Variants in DOCK4 observed in about 807,000 individuals in gnomAD.
DOCK4 encodes dedicator of cytokinesis 4.
A neutral mutation model predicts 268.1 loss-of-function variants in DOCK4; 97 were observed. That is an observed-to-expected ratio of 0.36 (90% confidence interval 0.31 to 0.43). The LOEUF is 0.43. Among genes scored for constraint, DOCK4 ranks in the 20% least tolerant of loss-of-function variants. The pLI, the probability that DOCK4 is intolerant of heterozygous loss-of-function variation, is 1.00. For missense variants in DOCK4, 2,145 were observed against 2,455.7 expected (o/e 0.87, Z 2.67); for synonymous variants, 954 against 887.2 (o/e 1.08, Z -1.34).
chr7:112,003,512 G>A (rs556415218), intron 2 of DOCK4, among the ~76,000 whole-genome samples: 2 of 152,354 alleles, frequency 1.3e-5, no homozygotes, highest in South Asian at 4.1e-4. Flanking sequence ...TCTTAAATGA[G>A]TTGCCTACTA....
intron 10 of DOCK4, among the ~76,000 whole-genome samples, chr7:111,941,156 C>A (rs752142149): frequency 1.3e-5 from 2 of 152,110 alleles, no homozygotes; most frequent in African/African-American, 4.8e-5. Context: ...AAACACAGCC[C>A]GAAAACCTCT....
rs1794648274 is a variant in DOCK4 at position 111,726,214 on chromosome 7, T to A, written c.*2060A>T. On this transcript the variant is annotated 3_prime_UTR_variant, in exon 53 of 53. Transcript: ENST00000428084. ...TTAAAATGTTCTGCTATGTAGCTGC[T>A]TCAGAAATACACACACATGATAAAT... 1 of 152,646 alleles carries A rather than the reference T, an allele frequency of 6.6e-6. No homozygotes were observed. The highest frequency in any genetic ancestry group is 2.4e-5 in the African/African-American group (1 of 41,466). 9.5% of individuals were successfully genotyped at this position (152,646 alleles called of 1,614,324 possible).
chr7:112,168,972 GA>G, intron 1 of DOCK4, among the ~76,000 whole-genome samples: 1 of 152,292 alleles, frequency 6.6e-6, no homozygotes, highest in South Asian at 2.1e-4. Context: ...ATCACTATTT[GA>G]TATGGTTTGA....
chr7:112,156,714 ATACT>A (rs1469589083), intron 1 of DOCK4, among the ~76,000 whole-genome samples: 29 of 152,214 alleles, frequency 1.9e-4, no homozygotes, highest in African/African-American at 2.7e-4. Context: ...AATTACTGAC[ATACT>A]TAATTATATA....
intron 13 of DOCK4, among the ~76,000 whole-genome samples, chr7:111,907,086 C>T (rs1791641782): frequency 6.6e-6 from 1 of 152,120 alleles, no homozygotes; most frequent in Non-Finnish European, 1.5e-5. Context: ...TAACTGGAGA[C>T]TGAAACAGAG....
Position 111,853,250 on chromosome 7 carries a change from G to A in DOCK4, c.2474-6124C>T, listed in dbSNP as rs118127904. On this transcript the variant is annotated intron_variant, in intron 23 of 52. Coordinates refer to ENST00000428084, the MANE Select transcript of DOCK4 (RefSeq NM_001363540.2). The stretch of plus-strand genomic sequence containing the variant: ...AGTCAGCATCAGTCACCAAGAGCGC[G>A]AGGTCTGTGAGTTCCATGGCAGCAC... 2.1e-3 allele frequency among the ~76,000 whole-genome samples: 319 copies of A among 152,264 alleles called. 3 individuals carry two copies. In the South Asian group the frequency reaches 0.023, roughly 11 times the overall value.
intron 1 of DOCK4, among the ~76,000 whole-genome samples, chr7:112,027,180 G>A (rs6466397): frequency 0.16 from 24,390 of 152,176 alleles, 6,178 homozygotes; most frequent in African/African-American, 0.54. Flanking sequence ...GGAACTGTGT[G>A]TAGAGACAGG....
intron 1 of DOCK4, among the ~76,000 whole-genome samples, chr7:112,181,942 G>T (rs956794637): frequency 1.3e-5 from 2 of 152,172 alleles, no homozygotes; most frequent in African/African-American, 2.4e-5. Context: ...CCAGGCACTG[G>T]GGCACAGGGC....
At chr7:112,161,430 A>G (rs1817117353) in intron 1 of DOCK4, among the ~76,000 whole-genome samples, 1 of 152,198 alleles carries the variant, frequency 6.6e-6, no homozygotes, top group Non-Finnish European at 1.5e-5. Context: ...CATGTCTGGC[A>G]TGGAAAACCT....
At chr7:111,788,390 A>G (rs1327362812) in intron 32 of DOCK4, 1 of 385,070 alleles carries the variant, frequency 2.6e-6, no homozygotes, top group African/African-American at 2.0e-5. Context: ...TTTTAAAATT[A>G]TCAGGCATGA....
intron 1 of DOCK4, among the ~76,000 whole-genome samples, chr7:112,114,084 C>G (rs187700679): frequency 4.2e-4 from 64 of 152,186 alleles, no homozygotes; most frequent in African/African-American, 1.4e-3. Context: ...TTCTTCCAAC[C>G]ATCCCCAATG....
intron 1 of DOCK4, among the ~76,000 whole-genome samples, chr7:112,023,030 C>T (rs1453082363): frequency 2.0e-5 from 3 of 152,078 alleles, no homozygotes; most frequent in South Asian, 2.1e-4. Flanking sequence ...GGTTTTTCAG[C>T]GATTCTCCTG....
intron 44 of DOCK4, among the ~76,000 whole-genome samples, chr7:111,744,694 G>C (rs778678146): frequency 1.3e-5 from 2 of 152,258 alleles, no homozygotes; most frequent in South Asian, 4.2e-4. Context: ...ATCAATGAAG[G>C]TTAAAGTCAT....
At chr7:111,822,942 T>G (rs1272275586) in intron 26 of DOCK4, among the ~76,000 whole-genome samples, 1 of 152,216 alleles carries the variant, frequency 6.6e-6, no homozygotes, top group Non-Finnish European at 1.5e-5. Flanking sequence ...CAGGGCATTC[T>G]TGAGATGCAG....
chr7:111,852,412 A>G (rs1804649099), intron 23 of DOCK4, among the ~76,000 whole-genome samples: 2 of 152,152 alleles, frequency 1.3e-5, no homozygotes, highest in Admixed American at 6.5e-5. Context: ...CAAACTTGTA[A>G]AATAATTCAT....
intron 42 of DOCK4, among the ~76,000 whole-genome samples, chr7:111,753,604 C>T (rs184047833): frequency 1.1e-3 from 162 of 152,218 alleles, no homozygotes; most frequent in African/African-American, 3.6e-3. Flanking sequence ...GCTTTGGAGC[C>T]GAACAAATGA....
At chr7:112,056,493 T>C (rs755200710) in intron 1 of DOCK4, among the ~76,000 whole-genome samples, 2 of 152,178 alleles carry the variant, frequency 1.3e-5, no homozygotes, top group Non-Finnish European at 2.9e-5. Flanking sequence ...ATGGCTGCCT[T>C]TCCTGCATCA....
chr7:111,737,280 A>C lies in DOCK4; in HGVS notation c.5233-291T>G, dbSNP rs189507495. 1.2e-4 allele frequency among the ~76,000 whole-genome samples: 18 copies of C among 152,296 alleles called. No individual in the cohort carries two copies. In the East Asian group the frequency reaches 3.3e-3, roughly 28 times the overall value. ...ATAAATAGTAAATAGCAGTTGTGCT[A>C]TGAAGTTCTTTTTTTTTCTTTTCTT... On this transcript the variant is annotated intron_variant, in intron 49 of 52. Coordinates refer to ENST00000428084, the MANE Select transcript of DOCK4 (RefSeq NM_001363540.2).
At chr7:111,914,842 G>A (rs1438000094) in intron 13 of DOCK4, among the ~76,000 whole-genome samples, 1 of 152,078 alleles carries the variant, frequency 6.6e-6, no homozygotes, top group Non-Finnish European at 1.5e-5. Flanking sequence ...GGTTTCTTCT[G>A]TTGTGTTCAG....
Sources: allele counts gnomAD v4.1 joint callset (sites outside exome capture counted in the v4.1 genomes callset), GRCh38; gene constraint gnomAD v4.1.1; transcripts MANE v1.5; gene names NCBI Gene and HGNC (gene_info 2026-07-23, HGNC 2026-07-21).